Variants in CADM2 observed in about 807,000 individuals in gnomAD.
The protein encoded by CADM2 is immunoglobulin superfamily member 4D.
CADM2 carries 12 observed loss-of-function variants against 49.8 expected under a neutral mutation model. The ratio of observed to expected loss-of-function variants is 0.24; its 90% CI spans 0.15 to 0.39. The LOEUF (loss-of-function observed/expected upper bound fraction) is 0.39. CADM2 is among the 10% of genes least tolerant of loss of function. The probability of loss-of-function intolerance (pLI) is 1.00; values close to 1 mark genes in which losing one functional copy is unlikely to be tolerated. For synonymous variants in CADM2, 214 were observed against 175.4 expected, an observed-to-expected ratio of 1.22 and a Z score of -1.74; for missense variants, 378 against 492.3, an observed-to-expected ratio of 0.77 and a Z score of 2.20.
chr3:85,235,433 A>C (rs1027083787), intron 1 of CADM2, among the ~76,000 whole-genome samples: 2 of 152,134 alleles, frequency 1.3e-5, no homozygotes, highest in African/African-American at 4.8e-5. Context: ...CATTCACTTC[A>C]CATCCTCTTA....
intron 1 of CADM2, among the ~76,000 whole-genome samples, chr3:85,423,551 T>C (rs2036269650): frequency 6.6e-6 from 1 of 152,162 alleles, no homozygotes; most frequent in Non-Finnish European, 1.5e-5. Context: ...TCTGAAGCTA[T>C]GGAAAGACTC....
At chr3:85,044,461 C>T (rs2035570213) in intron 1 of CADM2, among the ~76,000 whole-genome samples, 1 of 152,126 alleles carries the variant, frequency 6.6e-6, no homozygotes, top group African/African-American at 2.4e-5. Context: ...TTGGAAGGAT[C>T]TGTTCTCTCT....
chr3:85,683,194 C>T (rs913767959), intron 1 of CADM2, among the ~76,000 whole-genome samples: 1 of 151,246 alleles, frequency 6.6e-6, no homozygotes, highest in African/African-American at 2.4e-5. Flanking sequence ...AATCATTTAA[C>T]TTTTATATCC....
intron 1 of CADM2, among the ~76,000 whole-genome samples, chr3:85,413,138 C>CAAAAAAAAAAAA (rs397973777): frequency 9.4e-4 from 16 of 17,106 alleles, no homozygotes; most frequent in Admixed American, 2.0e-3. Flanking sequence ...GACTCCGTCT[C>CAAAAAAAAAAAA]AAAAAAAAAA....
chr3:85,995,921 C>G (rs1559789672), intron 8 of CADM2, among the ~76,000 whole-genome samples: 1 of 151,746 alleles, frequency 6.6e-6, no homozygotes, highest in Admixed American at 6.6e-5. Flanking sequence ...AACACCGTCT[C>G]TATTAAAAAT....
At chr3:85,094,607 C>G (rs1459634351) in intron 1 of CADM2, among the ~76,000 whole-genome samples, 3 of 152,096 alleles carry the variant, frequency 2.0e-5, no homozygotes, top group Non-Finnish European at 4.4e-5. Flanking sequence ...ATGATGATAA[C>G]TTTCAATATA....
intron 1 of CADM2, among the ~76,000 whole-genome samples, chr3:85,599,915 G>GTTAAT (rs4053294): frequency 0.87 from 132,421 of 151,446 alleles, 58,030 homozygotes; most frequent in East Asian, 0.95. Context: ...TATGTACATA[G>GTTAAT]TTAATATTAA....
chr3:85,313,648 C>G (rs1282933747), intron 1 of CADM2, among the ~76,000 whole-genome samples: 1 of 152,166 alleles, frequency 6.6e-6, no homozygotes, highest in Non-Finnish European at 1.5e-5. Flanking sequence ...TATTACACAA[C>G]TGCAGTCAGT....
intron 1 of CADM2, among the ~76,000 whole-genome samples, chr3:85,704,887 C>T (rs1221067372): frequency 6.8e-6 from 1 of 148,102 alleles, no homozygotes; most frequent in Non-Finnish European, 1.5e-5. Context: ...TTGATGGAGT[C>T]TCGCTCTGTC....
intron 1 of CADM2, among the ~76,000 whole-genome samples, chr3:85,289,359 T>C (rs576907365): frequency 4.5e-4 from 69 of 152,340 alleles, no homozygotes; most frequent in African/African-American, 1.6e-3. Context: ...AATGGGTTAA[T>C]GAAAGGGGAA....
At chr3:85,909,924 ATAT>A (rs1717334683) in intron 5 of CADM2, among the ~76,000 whole-genome samples, 2 of 152,188 alleles carry the variant, frequency 1.3e-5, no homozygotes, top group East Asian at 3.8e-4. Flanking sequence ...ATGAGAAAAG[ATAT>A]TATGATTGGC....
chr3:85,830,800 TA>T, intron 3 of CADM2, among the ~76,000 whole-genome samples: 1 of 72,868 alleles, frequency 1.4e-5, no homozygotes, highest in Non-Finnish European at 2.8e-5. Flanking sequence ...TTGTGCATTT[TA>T]TTTATTTATT....
chr3:85,269,119 A>G (rs1275448485), intron 1 of CADM2, among the ~76,000 whole-genome samples: 1 of 151,440 alleles, frequency 6.6e-6, no homozygotes, highest in East Asian at 1.9e-4. Context: ...GAATATTGCC[A>G]TATAATGAAT....
intron 1 of CADM2, among the ~76,000 whole-genome samples, chr3:85,261,054 T>C (rs1341463925): frequency 6.6e-6 from 1 of 152,152 alleles, no homozygotes; most frequent in African/African-American, 2.4e-5. Context: ...CTCTTTCCAT[T>C]GTCCTTTTCT....
At chr3:85,594,278 A>G (rs948599501) in intron 1 of CADM2, among the ~76,000 whole-genome samples, 2 of 151,874 alleles carry the variant, frequency 1.3e-5, no homozygotes, top group African/African-American at 4.8e-5. Flanking sequence ...TTAGAACATA[A>G]CAATTTTTAT....
At chr3:85,445,334 G>A (rs1040010734) in intron 1 of CADM2, among the ~76,000 whole-genome samples, 1 of 152,056 alleles carries the variant, frequency 6.6e-6, no homozygotes, top group Non-Finnish European at 1.5e-5. Flanking sequence ...AGTCATGAAC[G>A]TGTATTTAAG....
At chr3:85,850,078 C>T (rs769597825) in intron 3 of CADM2, among the ~76,000 whole-genome samples, 1 of 152,050 alleles carries the variant, frequency 6.6e-6, no homozygotes, top group East Asian at 1.9e-4. Flanking sequence ...GTTTTCAGGT[C>T]TTGACACAGA....
At chr3:84,971,593 C>T (rs2031442523) in intron 1 of CADM2, among the ~76,000 whole-genome samples, 1 of 130,664 alleles carries the variant, frequency 7.7e-6, no homozygotes, top group Admixed American at 7.6e-5. Context: ...TGGTGGAAGT[C>T]ACTAATTTAT....
intron 2 of CADM2, among the ~76,000 whole-genome samples, chr3:85,791,079 T>C (rs1009947578): frequency 2.0e-5 from 3 of 152,204 alleles, no homozygotes; most frequent in African/African-American, 4.8e-5. Context: ...ATAAAATGAT[T>C]TTTAAAAATG....
Sources: gnomAD v4.1 joint callset for allele counts (sites outside exome capture counted in the v4.1 genomes callset) on GRCh38, gnomAD v4.1.1 for gene constraint, MANE v1.5 for transcripts, NCBI Gene and HGNC (gene_info 2026-07-23, HGNC 2026-07-21) for gene names.